The following GPR139 variants were observed in gnomAD, a reference collection of about 807,000 sequenced individuals.
GPR139 encodes probable G protein-coupled receptor 139.
A neutral mutation model predicts 25.8 loss-of-function variants in GPR139; 12 were observed. The ratio of observed to expected loss-of-function variants is 0.47; its 90% CI spans 0.30 to 0.75. GPR139 has a LOEUF of 0.75. GPR139 is among the 30% of genes least tolerant of loss of function. The pLI is 0.07. For missense variants in GPR139, 380 were observed against 450.2 expected (o/e 0.84, Z 1.41); for synonymous variants, 184 against 179.9 (o/e 1.02, Z -0.18).
At chr16:20,069,703 TA>T (rs1333448031) in intron 1 of GPR139, among the ~76,000 whole-genome samples, 1 of 152,194 alleles carries the variant, frequency 6.6e-6, no homozygotes, top group Non-Finnish European at 1.5e-5. Flanking sequence ...CTTTAGAAGG[TA>T]ATTTTTTTTA....
intron 1 of GPR139, among the ~76,000 whole-genome samples, chr16:20,061,069 G>A (rs937837174): frequency 8.0e-5 from 8 of 100,082 alleles, no homozygotes; most frequent in African/African-American, 2.2e-4. Flanking sequence ...CTCTGTGTGT[G>A]TGTGTGTGTG....
Position 20,043,838 on chromosome 16 carries a change from A to G in GPR139, c.128-11169T>C, listed in dbSNP as rs528365183. ...TTACAAGAACAAGTCCTGAACATGC[A>G]GGTGGCTCTCCAGCAAACAATGAGC... On this transcript the variant is annotated intron_variant, in intron 1 of 1. Transcript: ENST00000570682. Among the ~76,000 whole-genome samples the G allele has an allele frequency of 2.2e-3, 334 of 152,336 alleles. 2 individuals carry two copies. Among genetic ancestry groups the G allele is most frequent in the African/African-American group, 7.7e-3 (321 of 41,580 alleles).
At chr16:20,065,598 G>A (rs1387092776) in intron 1 of GPR139, among the ~76,000 whole-genome samples, 2 of 152,094 alleles carry the variant, frequency 1.3e-5, no homozygotes, top group East Asian at 3.9e-4. Flanking sequence ...GAGGCCAGGC[G>A]CATTGGTCAC....
chr16:20,065,827 C>A (rs547365202), intron 1 of GPR139, among the ~76,000 whole-genome samples: 1 of 149,386 alleles, frequency 6.7e-6, no homozygotes, highest in African/African-American at 2.5e-5. Context: ...GAGCTGAAAT[C>A]GCGCCACTGC....
chr16:20,060,585 C>T (rs1385741195), intron 1 of GPR139, among the ~76,000 whole-genome samples: 2 of 152,122 alleles, frequency 1.3e-5, no homozygotes, highest in Non-Finnish European at 2.9e-5. Flanking sequence ...AGCAATTCCC[C>T]CAGCTCTACC....
chr16:20,055,872 T>C (rs1436689425), intron 1 of GPR139, among the ~76,000 whole-genome samples: 2 of 152,264 alleles, frequency 1.3e-5, no homozygotes, highest in African/African-American at 4.8e-5. Flanking sequence ...ATTTGCCATG[T>C]GCCTCAGTTT....
Position 20,073,290 on chromosome 16 carries a change from G to GCACA in GPR139, c.127+196_127+199dup, listed in dbSNP as rs71146301. On this transcript the variant is annotated intron_variant, in intron 1 of 1. Transcript: ENST00000570682. This position sits in a 1 kb window ranked among gnomAD's most constrained non-coding sequence, Gnocchi z 4.7. ...CACACACACACACACGCTCGCGCGC[G>GCACA]CACACACACACACACGGTCCCCAGC... Among the ~76,000 whole-genome samples the GCACA allele has an allele frequency of 7.3e-5, 11 of 150,052 alleles. No individual in the cohort carries two copies. The highest frequency in any genetic ancestry group is 3.4e-3 in the Middle Eastern group (1 of 290).
In GPR139 at chr16:20,029,195, G is replaced by C. The variant is rs1231288774; in HGVS notation, c.*2540C>G. ...AATATAAAATATATTCGGAGGAAAAGAGATCACAATACCACGTGGTAGAGC... is the reference window on the plus strand; with the variant it reads ...AATATAAAATATATTCGGAGGAAAACAGATCACAATACCACGTGGTAGAGC... On this transcript the variant is annotated 3_prime_UTR_variant, in exon 2 of 2. Transcript: ENST00000570682. Among the ~76,000 whole-genome samples the C allele has an allele frequency of 2.6e-5, 4 of 152,024 alleles. No individual in the cohort carries two copies. The highest frequency in any genetic ancestry group is 9.7e-5 in the African/African-American group (4 of 41,390).
chr16:20,062,662 C>CT (rs911739862), intron 1 of GPR139, among the ~76,000 whole-genome samples: 2 of 152,072 alleles, frequency 1.3e-5, no homozygotes, highest in East Asian at 3.8e-4. Context: ...AGTGATTTGC[C>CT]TTTTTTTCCT....
In GPR139 at chr16:20,029,136, A is replaced by C. The variant is rs2125148; in HGVS notation, c.*2599T>G. Among the ~76,000 whole-genome samples the C allele has an allele frequency of 6.6e-6, 1 of 151,926 alleles. No homozygotes were observed. Among genetic ancestry groups the C allele is most frequent in the African/African-American group, 2.4e-5 (1 of 41,322 alleles). On this transcript the variant is annotated 3_prime_UTR_variant, in exon 2 of 2. Transcript: ENST00000570682. Reference sequence around the variant, plus strand: ...GACAGCAATTCACTACAGTGCCTTCAAGAATTGGACCTCTTTTAAATATCA... The same window carrying C: ...GACAGCAATTCACTACAGTGCCTTCCAGAATTGGACCTCTTTTAAATATCA...
At chr16:20,067,533 A>G (rs2057439319) in intron 1 of GPR139, among the ~76,000 whole-genome samples, 1 of 152,170 alleles carries the variant, frequency 6.6e-6, no homozygotes, top group South Asian at 2.1e-4. Context: ...GGCTGGGCAC[A>G]GTGGCTCTTG....
chr16:20,036,319 G>C (rs941329177), intron 1 of GPR139, among the ~76,000 whole-genome samples: 5 of 152,178 alleles, frequency 3.3e-5, no homozygotes, highest in African/African-American at 9.6e-5. Flanking sequence ...GGGCTGGGCT[G>C]CCTGGCTGTT....
In GPR139 at chr16:20,029,216, A is replaced by T. The variant is rs969900332; in HGVS notation, c.*2519T>A. On this transcript the variant is annotated 3_prime_UTR_variant, in exon 2 of 2. Coordinates refer to ENST00000570682, the MANE Select transcript of GPR139 (RefSeq NM_001002911.4). ...AAAAGAGATCACAATACCACGTGGT[A>T]GAGCCTCTATCATCGAGAAGTAATA... 2.6e-5 allele frequency among the ~76,000 whole-genome samples: 4 copies of T among 152,078 alleles called. No homozygotes were observed. The highest frequency in any genetic ancestry group is 9.7e-5 in the African/African-American group (4 of 41,374).
intron 1 of GPR139, among the ~76,000 whole-genome samples, chr16:20,044,580 C>T (rs757432168): frequency 2.0e-5 from 3 of 152,138 alleles, no homozygotes; most frequent in African/African-American, 4.8e-5. Context: ...GGTAAAGAGG[C>T]GTGAAAGAAG....
intron 1 of GPR139, among the ~76,000 whole-genome samples, chr16:20,036,232 A>C (rs1236591499): frequency 3.9e-5 from 6 of 152,142 alleles, no homozygotes; most frequent in Non-Finnish European, 7.4e-5. Context: ...ATGGAACCCA[A>C]GCTGTAAAGA....
chr16:20,068,793 T>C (rs1447300448), intron 1 of GPR139, among the ~76,000 whole-genome samples: 1 of 152,206 alleles, frequency 6.6e-6, no homozygotes, highest in Non-Finnish European at 1.5e-5. Context: ...ATTTTTCTTT[T>C]CCTAGTTTGA....
At chr16:20,060,086 C>T (rs957008749) in intron 1 of GPR139, among the ~76,000 whole-genome samples, 8 of 152,144 alleles carry the variant, frequency 5.3e-5, no homozygotes, top group African/African-American at 1.9e-4. Flanking sequence ...CCCATTCCAC[C>T]ACATTCCAGG....
At chr16:20,044,893 C>T (rs2057348656) in intron 1 of GPR139, among the ~76,000 whole-genome samples, 1 of 152,150 alleles carries the variant, frequency 6.6e-6, no homozygotes, top group Admixed American at 6.6e-5. Context: ...AGCTTTCCCA[C>T]TCTCCAACAC....
intron 1 of GPR139, among the ~76,000 whole-genome samples, chr16:20,048,491 T>A (rs1324266239): frequency 1.3e-5 from 2 of 152,212 alleles, no homozygotes; most frequent in African/African-American, 2.4e-5. Context: ...TTCCTTTCAA[T>A]GGCACCGCGT....
Sources: gnomAD v4.1 joint callset for allele counts (sites outside exome capture counted in the v4.1 genomes callset) on GRCh38, gnomAD v4.1.1 for gene constraint, Gnocchi (gnomAD v3.1) non-coding constraint, MANE v1.5 for transcripts, NCBI Gene and HGNC (gene_info 2026-07-23, HGNC 2026-07-21) for gene names.